Variants in MSI1 observed in about 807,000 individuals in gnomAD.
The protein encoded by MSI1 is RNA-binding protein Musashi homolog 1.
Under a neutral mutation model 54.4 loss-of-function variants are expected in MSI1, and 15 were observed. That is an observed-to-expected ratio of 0.28 (90% CI 0.18 to 0.42). The LOEUF (loss-of-function observed/expected upper bound fraction) is 0.42. MSI1 is among the 20% of genes least tolerant of loss of function. The pLI is 1.00. For missense variants in MSI1, 304 were observed against 506.0 expected, an observed-to-expected ratio of 0.60 and a Z score of 3.83; for synonymous variants, 200 against 196.5, an observed-to-expected ratio of 1.02 and a Z score of -0.15.
At chr12:120,348,712 C>T (rs1335130685) in intron 11 of MSI1, among the ~76,000 whole-genome samples, 3 of 151,944 alleles carry the variant, frequency 2.0e-5, no homozygotes, top group African/African-American at 7.2e-5. Flanking sequence ...GGAGAAACCC[C>T]GTCTCTACTA....
At chr12:120,356,785 C>T in intron 9 of MSI1, 117 bp downstream of exon 9, 1 of 917,370 alleles carries the variant, frequency 1.1e-6, no homozygotes, top group Non-Finnish European at 1.7e-6. Flanking sequence ...CACTCCTGCT[C>T]AATGACTCAG....
At chr12:120,340,399 C>T (rs1873627541), downstream of MSI1, among the ~76,000 whole-genome samples, 1 of 152,150 alleles carries the variant, frequency 6.6e-6, no homozygotes, top group Non-Finnish European at 1.5e-5. Flanking sequence ...TAGCTGTTAT[C>T]TTTTAAGCTT....
intron 9 of MSI1, among the ~76,000 whole-genome samples, chr12:120,354,800 G>C (rs1296213942): frequency 6.6e-6 from 1 of 152,112 alleles, no homozygotes; most frequent in African/African-American, 2.4e-5. Flanking sequence ...CTTTCTCAAT[G>C]TTCTAAATAA....
At position 120,368,776 on chromosome 12, in the gene MSI1, G is replaced by T; in HGVS notation, c.100+57C>A. 1 of 1,358,432 alleles carries T rather than the reference G, an allele frequency of 7.4e-7. No individual in the cohort carries two copies. Among genetic ancestry groups the T allele is most frequent in the Non-Finnish European group, 9.6e-7 (1 of 1,037,766 alleles). 84.1% of individuals were successfully genotyped at this position (1,358,432 alleles called of 1,614,324 possible). A position where few individuals can be genotyped will look rare whatever the true frequency, so the allele number is the denominator to read the frequency against. ...CCGGGCTGGGGTGTCCGGGTCCGGG[G>T]CGCCGGGGGGTCCGGGGTGCCCTGC... On this transcript the variant is annotated intron_variant, in intron 2 of 14. Coordinates refer to ENST00000257552, the MANE Select transcript of MSI1 (RefSeq NM_002442.4). This position sits in a 1 kb window ranked among gnomAD's most constrained non-coding sequence, Gnocchi z 6.6.
chr12:120,356,066 G>A (rs955270361), intron 9 of MSI1, among the ~76,000 whole-genome samples: 1 of 152,150 alleles, frequency 6.6e-6, no homozygotes, highest in African/African-American at 2.4e-5. Context: ...CAGCTTTCAA[G>A]GCTCATGGCA....
At chr12:120,344,715 A>T (rs756975983) in intron 14 of MSI1, among the ~76,000 whole-genome samples, 1 of 151,008 alleles carries the variant, frequency 6.6e-6, no homozygotes, top group Non-Finnish European at 1.5e-5. Context: ...TATTAAAAAT[A>T]ATAATAATAG....
At chr12:120,339,671 A>C (rs751053206), downstream of MSI1, among the ~76,000 whole-genome samples, 1 of 152,098 alleles carries the variant, frequency 6.6e-6, no homozygotes, top group African/African-American at 2.4e-5. Flanking sequence ...AAGATGATGA[A>C]ATTCCTGAGT....
In MSI1 at chr12:120,345,542, C is replaced by A. The variant is rs754242637; in HGVS notation, c.*21+28G>T. On this transcript the variant is annotated intron_variant, in intron 14 of 14. Coordinates refer to ENST00000257552, the MANE Select transcript of MSI1 (RefSeq NM_002442.4). ...AGGACAGGCTTCCCCAGTGCCACCC[C>A]ACCACCTGCCCACCCCCACATCCTC... 8 of 1,609,078 alleles carry A rather than the reference C, an allele frequency of 5.0e-6. No individual in the cohort carries two copies. In the South Asian group the frequency reaches 7.7e-5, roughly 15 times the overall value.
Position 120,347,452 on chromosome 12 carries a change from C to T in MSI1, c.853G>A (p.Gly285Arg). ...GCACCTCAGAAGAGCTCACCTGTCC[C>T]TCGAACCACAGCCGCTGCCGCCGCT... ...AAAAAAAVVRGTGSHPWTMAP... is the reference protein window; with the variant it reads ...AAAAAAAVVRRTGSHPWTMAP... The change falls in exon 12 of 15, where the codon GGG (glycine) becomes AGG (arginine). Residue 285 changes from glycine (G) to arginine (R), a missense_variant. Around this residue, in one of 4 missense-constraint regions of MSI1, gnomAD observed 147 missense variants for 231.5 expected, o/e 0.64. Coordinates refer to ENST00000257552, the MANE Select transcript of MSI1 (RefSeq NM_002442.4). The T allele has an allele frequency of 6.2e-7, 1 of 1,614,108 alleles. No individual in the cohort carries two copies. The highest frequency in any genetic ancestry group is 8.5e-7 in the Non-Finnish European group (1 of 1,180,044).
intron 10 of MSI1, among the ~76,000 whole-genome samples, chr12:120,352,341 T>C (rs1182815472): frequency 2.0e-5 from 3 of 152,042 alleles, no homozygotes; most frequent in Non-Finnish European, 4.4e-5. Context: ...ATTTGACTAT[T>C]ACCAAAAACA....
Position 120,369,061 on chromosome 12 carries a change from C to G in MSI1, c.31G>C (p.Ala11Pro). 1 of 1,024,668 alleles carries G rather than the reference C, an allele frequency of 9.8e-7. No individual in the cohort carries two copies. Among genetic ancestry groups the G allele is most frequent in the Non-Finnish European group, 1.2e-6 (1 of 858,666 alleles). 63.5% of individuals were successfully genotyped at this position (1,024,668 alleles called of 1,614,324 possible). The change falls in exon 1 of 15, where the codon GCC becomes CCC. Residue 11 changes from alanine (A) to proline (P), a missense_variant. Transcript: ENST00000257552. ...GGGTCGTGCGGCGAGTCCGGGGAGGCGAGGCCGGGCTGGGGCGCGTCAGTC... is the reference window on the plus strand; with the variant it reads ...GGGTCGTGCGGCGAGTCCGGGGAGGGGAGGCCGGGCTGGGGCGCGTCAGTC... METDAPQPGL[A>P]SPDSPHDPCK...
At chr12:120,340,919 A>C (rs1592914691), downstream of MSI1, among the ~76,000 whole-genome samples, 9 of 115,660 alleles carry the variant, frequency 7.8e-5, no homozygotes, top group East Asian at 2.5e-4. Flanking sequence ...ACAGAGTCTC[A>C]CTCTCACCCA....
rs1034947159 is a variant in MSI1, at chr12:120,357,892, C to T, written c.458G>A (p.Gly153Glu). 6.2e-7 allele frequency: 1 copy of T among 1,614,008 alleles called. No homozygotes were observed. Among genetic ancestry groups the T allele is most frequent in the Non-Finnish European group, 8.5e-7 (1 of 1,180,016 alleles). The change falls in exon 8 of 15, where the codon GGG becomes GAG. Residue 153 changes from glycine to glutamate, a missense_variant. By Grantham distance (98) the Gly-to-Glu change is moderately conservative. This residue lies in a region of MSI1 where 105 missense variants were observed against 230.1 expected (regional missense o/e 0.46). Transcript: ENST00000257552. ...DKTTNRHRGF[G>E]FVTFESEDIV... is the part of the protein sequence containing the mutation. The stretch of plus-strand genomic sequence containing the variant: ...GTCCTCACTCTCAAACGTGACAAAC[C>T]CGAACCCTAGAGGTTGGACAAAGGA...
At chr12:120,358,748 G>A (rs1347415127) in intron 7 of MSI1, among the ~76,000 whole-genome samples, 1 of 151,132 alleles carries the variant, frequency 6.6e-6, no homozygotes, top group Non-Finnish European at 1.5e-5. Context: ...CACCACTAGG[G>A]TGGGGGTAGG....
At chr12:120,352,507 TC>T (rs1874704398) in intron 10 of MSI1, among the ~76,000 whole-genome samples, 1 of 152,062 alleles carries the variant, frequency 6.6e-6, no homozygotes, top group Admixed American at 6.6e-5. Flanking sequence ...GCTTTGTCAT[TC>T]TTCCTCTGAG....
At chr12:120,359,615 G>C (rs1443710355) in intron 6 of MSI1, among the ~76,000 whole-genome samples, 1 of 152,114 alleles carries the variant, frequency 6.6e-6, no homozygotes, top group Non-Finnish European at 1.5e-5. Flanking sequence ...CCCACTGACT[G>C]GGGGAAGGGA....
intron 10 of MSI1, among the ~76,000 whole-genome samples, chr12:120,352,120 C>A (rs1197694917): frequency 6.6e-6 from 1 of 151,780 alleles, no homozygotes; most frequent in Non-Finnish European, 1.5e-5. Flanking sequence ...TGGGCTCAAG[C>A]GATCCTCCCA....
chr12:120,366,889 T>C (rs371718393), intron 4 of MSI1, among the ~76,000 whole-genome samples: 1 of 152,254 alleles, frequency 6.6e-6, no homozygotes, highest in Admixed American at 6.5e-5. Context: ...CATCAGTGCA[T>C]TCTGAGGACA....
At chr12:120,364,449 C>A (rs183099159) in intron 5 of MSI1, among the ~76,000 whole-genome samples, 1 of 152,204 alleles carries the variant, frequency 6.6e-6, no homozygotes, top group African/African-American at 2.4e-5. Flanking sequence ...AAATACAGGA[C>A]GATGAATCCT....
Sources: allele counts gnomAD v4.1 joint callset (sites outside exome capture counted in the v4.1 genomes callset), GRCh38; gene constraint gnomAD v4.1.1; regional missense constraint gnomAD v4.1.1; non-coding constraint Gnocchi (gnomAD v3.1); transcripts MANE v1.5; gene names NCBI Gene and HGNC (gene_info 2026-07-23, HGNC 2026-07-21).